The following SCHIP1 variants were observed in gnomAD, a reference collection of about 807,000 sequenced individuals.
The protein encoded by SCHIP1 is schwannomin interacting protein 1.
In SCHIP1, 8 loss-of-function variants were observed where a neutral mutation model predicts 29.7. The observed-to-expected ratio is 0.27, with a 90% confidence interval of 0.16 to 0.49. The LOEUF is 0.49. Among genes scored for constraint, SCHIP1 ranks in the 20% least tolerant of loss-of-function variants. SCHIP1 has a pLI of 0.99. For synonymous variants in SCHIP1, 76 were observed against 94.9 expected (o/e 0.80, Z 1.16); for missense variants, 193 against 294.6 (o/e 0.66, Z 2.52).
the SCHIP1 span, among the ~76,000 whole-genome samples, chr3:159,746,594 CAG>C: frequency 6.6e-6 from 1 of 151,960 alleles, no homozygotes; most frequent in Non-Finnish European, 1.5e-5. Context: ...ACATATAATC[CAG>C]AGATTTCTGT....
chr3:159,532,537 A>G, the SCHIP1 span, among the ~76,000 whole-genome samples: 1 of 152,108 alleles, frequency 6.6e-6, no homozygotes, highest in Non-Finnish European at 1.5e-5. Context: ...TTTATCCTTA[A>G]TTTTTTTTGT....
the SCHIP1 span, among the ~76,000 whole-genome samples, chr3:159,556,642 A>C: frequency 7.9e-5 from 12 of 151,940 alleles, no homozygotes; most frequent in African/African-American, 2.9e-4. Flanking sequence ...ATTGGAAATC[A>C]TAATTCTCAG....
chr3:159,344,740 A>G, the SCHIP1 span, among the ~76,000 whole-genome samples: 1 of 152,250 alleles, frequency 6.6e-6, no homozygotes, highest in Non-Finnish European at 1.5e-5. Context: ...TGGAATAGAA[A>G]AAGTTCATTA....
the SCHIP1 span, among the ~76,000 whole-genome samples, chr3:159,698,938 A>G: frequency 4.0e-4 from 61 of 152,190 alleles, no homozygotes; most frequent in Middle Eastern, 3.4e-3. Context: ...GAGCCACCGC[A>G]CTGGTCTGGG....
the SCHIP1 span, among the ~76,000 whole-genome samples, chr3:159,527,860 G>A: frequency 1.3e-5 from 2 of 152,144 alleles, no homozygotes; most frequent in Non-Finnish European, 2.9e-5. Context: ...CGTGAGGTTA[G>A]CAGTGTTATG....
At chr3:159,365,119 C>T in the SCHIP1 span, among the ~76,000 whole-genome samples, 1 of 152,096 alleles carries the variant, frequency 6.6e-6, no homozygotes, top group East Asian at 1.9e-4. Context: ...AATTCATTAC[C>T]ATCTCCACAC....
chr3:159,776,332 C>CTTTTTTTTTTTTTTTTTTTTT, the SCHIP1 span, among the ~76,000 whole-genome samples: 4 of 135,424 alleles, frequency 3.0e-5, 1 homozygote, highest in South Asian at 2.2e-4. Context: ...AGTGTTCTGT[C>CTTTTTTTTTTTTTTTTTTTTT]TTTTTTTTTT....
chr3:159,461,145 T>C, the SCHIP1 span, among the ~76,000 whole-genome samples: 2 of 152,168 alleles, frequency 1.3e-5, no homozygotes, highest in African/African-American at 4.8e-5. Context: ...CCCAAAATAC[T>C]AGTTGATTCT....
chr3:159,852,671 C>T (rs564109736), intron 1 of SCHIP1, among the ~76,000 whole-genome samples: 9 of 152,284 alleles, frequency 5.9e-5, no homozygotes, highest in African/African-American at 2.2e-4. Flanking sequence ...GAACAAAGCA[C>T]TGCTCCCAGG....
At chr3:159,463,512 T>A in the SCHIP1 span, among the ~76,000 whole-genome samples, 1 of 152,100 alleles carries the variant, frequency 6.6e-6, no homozygotes, top group South Asian at 2.1e-4. Flanking sequence ...GTTCCCAGGG[T>A]CATACCACTA....
the SCHIP1 span, among the ~76,000 whole-genome samples, chr3:159,792,275 G>A: frequency 6.6e-6 from 1 of 152,214 alleles, no homozygotes; most frequent in Non-Finnish European, 1.5e-5. Flanking sequence ...GACTCAGGCG[G>A]TGTGGAAGAG....
the SCHIP1 span, among the ~76,000 whole-genome samples, chr3:159,364,557 A>G: frequency 6.6e-6 from 1 of 152,210 alleles, no homozygotes; most frequent in South Asian, 2.1e-4. Context: ...ATAGCAGAAA[A>G]TATTTATAAT....
the SCHIP1 span, among the ~76,000 whole-genome samples, chr3:159,515,106 C>T: frequency 6.6e-6 from 1 of 152,120 alleles, no homozygotes; most frequent in African/African-American, 2.4e-5. Context: ...TCCACCATAA[C>T]CCCTGGCTGG....
the SCHIP1 span, among the ~76,000 whole-genome samples, chr3:159,713,162 A>T: frequency 6.6e-6 from 1 of 151,346 alleles, no homozygotes; most frequent in East Asian, 1.9e-4. Flanking sequence ...TCAAAAAAAA[A>T]AAAGAAGAAA....
chr3:159,785,188 A>G, the SCHIP1 span, among the ~76,000 whole-genome samples: 1 of 152,226 alleles, frequency 6.6e-6, no homozygotes, highest in Non-Finnish European at 1.5e-5. Context: ...CTCCGTTAGT[A>G]AATAAACAAA....
chr3:159,764,268 G>C, the SCHIP1 span: 2 of 632,774 alleles, frequency 3.2e-6, no homozygotes, highest in Non-Finnish European at 5.1e-6. This position sits in a 1 kb window ranked among gnomAD's most constrained non-coding sequence, Gnocchi z 6.1. Flanking sequence ...AGGAAAGGCG[G>C]GCAGGAGGGA....
the SCHIP1 span, among the ~76,000 whole-genome samples, chr3:159,773,227 G>T: frequency 6.6e-6 from 1 of 152,170 alleles, no homozygotes; most frequent in Admixed American, 6.5e-5. Flanking sequence ...ACTTTCTACT[G>T]TCACAGGGAG....
the SCHIP1 span, among the ~76,000 whole-genome samples, chr3:159,593,513 C>G: frequency 1.3e-5 from 2 of 152,226 alleles, no homozygotes; most frequent in African/African-American, 4.8e-5. Flanking sequence ...AGAAAGTAGC[C>G]CAACCTCTCT....
the SCHIP1 span, among the ~76,000 whole-genome samples, chr3:159,436,195 A>T: frequency 1.3e-5 from 2 of 152,066 alleles, no homozygotes; most frequent in East Asian, 3.9e-4. Flanking sequence ...ACCCATGCAC[A>T]CTCTTGCACT....
Sources: gnomAD v4.1 joint callset for allele counts (sites outside exome capture counted in the v4.1 genomes callset) on GRCh38, gnomAD v4.1.1 for gene constraint, Gnocchi (gnomAD v3.1) non-coding constraint, MANE v1.5 for transcripts, NCBI Gene and HGNC (gene_info 2026-07-23, HGNC 2026-07-21) for gene names.